Variants in FSTL4 observed in about 807,000 individuals in gnomAD.
FSTL4 encodes the protein follistatin-related protein 4.
Under a neutral mutation model 78.2 loss-of-function variants are expected in FSTL4, and 28 were observed. The ratio of observed to expected loss-of-function variants is 0.36; its 90% CI spans 0.27 to 0.49. The LOEUF is 0.49. FSTL4 is among the 20% of genes least tolerant of loss of function. The pLI is 0.98. For synonymous variants in FSTL4, 422 were observed against 440.5 expected, an observed-to-expected ratio of 0.96 and a Z score of 0.53; for missense variants, 922 against 1,084.9, an observed-to-expected ratio of 0.85 and a Z score of 2.11.
the FSTL4 span, among the ~76,000 whole-genome samples, chr5:133,788,107 G>A: frequency 4.0e-4 from 61 of 152,294 alleles, no homozygotes; most frequent in African/African-American, 1.4e-3. Flanking sequence ...ACACTGATAT[G>A]TCTCCATATC....
chr5:133,483,762 G>A (rs1758076237), intron 3 of FSTL4, among the ~76,000 whole-genome samples: 1 of 152,194 alleles, frequency 6.6e-6, no homozygotes, highest in Non-Finnish European at 1.5e-5. Context: ...GGTAGGGGCA[G>A]AACATGCTCA....
intron 3 of FSTL4, among the ~76,000 whole-genome samples, chr5:133,535,865 G>A (rs1200506769): frequency 6.6e-6 from 1 of 152,208 alleles, no homozygotes; most frequent in Non-Finnish European, 1.5e-5. Flanking sequence ...GAAGTGAAGA[G>A]GAAGTAAACA....
the FSTL4 span, among the ~76,000 whole-genome samples, chr5:133,700,373 CCACCACACCAAA>C: frequency 3.3e-5 from 5 of 151,716 alleles, no homozygotes; most frequent in African/African-American, 1.2e-4. Context: ...CCACACCAAA[CCACCACACCAAA>C]CACCACACCA....
At chr5:133,204,830 G>A (rs1750441585) in intron 14 of FSTL4, among the ~76,000 whole-genome samples, 1 of 92,670 alleles carries the variant, frequency 1.1e-5, no homozygotes, top group African/African-American at 5.3e-5. Context: ...GTGAGATTCT[G>A]TCTCAAAAAA....
chr5:133,293,745 C>T (rs1411601058), intron 6 of FSTL4, among the ~76,000 whole-genome samples: 1 of 152,168 alleles, frequency 6.6e-6, no homozygotes, highest in Non-Finnish European at 1.5e-5. Context: ...GTGTCCGAGT[C>T]CCCATGTCAC....
upstream of FSTL4, chr5:133,612,648 CCACGGCAGGTGCGCGGAGCAGGCGGG>C (rs953405898): frequency 6.6e-6 from 1 of 151,780 alleles, no homozygotes; most frequent in African/African-American, 2.4e-5. This position sits in a 1 kb window ranked among gnomAD's most constrained non-coding sequence, Gnocchi z 6.2. Context: ...CGCGCGGCGG[CCACGGCAGGTGCGCGGAGCAGGCGGG>C]CGCGCACGCG....
At chr5:133,200,097 A>ATACT (rs1033636796) in intron 15 of FSTL4, among the ~76,000 whole-genome samples, 7 of 152,208 alleles carry the variant, frequency 4.6e-5, no homozygotes, top group African/African-American at 1.7e-4. Context: ...TCCATTTATA[A>ATACT]TACTTATGAA....
intron 8 of FSTL4, among the ~76,000 whole-genome samples, chr5:133,228,286 A>G (rs919023580): frequency 6.6e-6 from 1 of 152,322 alleles, no homozygotes; most frequent in East Asian, 1.9e-4. Context: ...TGAGTTAAGG[A>G]GAGAATATTT....
chr5:133,444,809 C>T lies in FSTL4; in HGVS notation c.161-43823G>A, dbSNP rs78835175. ...GCACAGGGAATGAGATGAGCAGACA[C>T]GAGGGCTCAAGCAGCCCCTCACCCA... On this transcript the variant is annotated intron_variant, in intron 3 of 15. Coordinates refer to ENST00000265342, the MANE Select transcript of FSTL4 (RefSeq NM_015082.2). 4.9e-4 allele frequency among the ~76,000 whole-genome samples: 75 copies of T among 152,300 alleles called. 3 individuals are homozygous for T. The East Asian group carries it at 0.014, about 28-fold the overall frequency.
At chr5:133,733,505 A>C in the FSTL4 span, among the ~76,000 whole-genome samples, 4 of 152,234 alleles carry the variant, frequency 2.6e-5, no homozygotes, top group Non-Finnish European at 5.9e-5. Flanking sequence ...GAAATAGAAA[A>C]GGCAGAAGAG....
intron 4 of FSTL4, among the ~76,000 whole-genome samples, chr5:133,330,204 T>C (rs978903234): frequency 1.3e-5 from 2 of 152,244 alleles, no homozygotes; most frequent in Non-Finnish European, 2.9e-5. Context: ...GCTCATCACT[T>C]TTCCTGCATT....
intron 6 of FSTL4, among the ~76,000 whole-genome samples, chr5:133,265,052 C>T (rs574138203): frequency 1.5e-4 from 23 of 152,336 alleles, no homozygotes; most frequent in African/African-American, 5.5e-4. Context: ...CCCCTCTGTG[C>T]TGCTTCCAGT....
In FSTL4 at chr5:133,225,975, C is replaced by T. The variant is rs1751321188; in HGVS notation, c.1016-156G>A. 2.0e-6 allele frequency: 1 copy of T among 497,220 alleles called. No individual in the cohort carries two copies. The highest frequency in any genetic ancestry group is 3.5e-6 in the Non-Finnish European group (1 of 285,724). The allele number at this position is 497,220 out of a possible 1,614,324, so 30.8% of individuals were successfully genotyped here. A position where few individuals can be genotyped will look rare whatever the true frequency, so the allele number is the denominator to read the frequency against. ...ATTATAATAATCCTGTCCAGCAACG[C>T]AAGCTCTAAAAGAAAGGGCTATAAA... On this transcript the variant is annotated intron_variant, in intron 8 of 15. Transcript: ENST00000265342. This position sits in a 1 kb window ranked among gnomAD's most constrained non-coding sequence, Gnocchi z 4.6.
At chr5:133,446,794 G>A (rs1480691809) in intron 3 of FSTL4, among the ~76,000 whole-genome samples, 1 of 152,198 alleles carries the variant, frequency 6.6e-6, no homozygotes, top group East Asian at 1.9e-4. Context: ...GGTGGATCCA[G>A]GTTCCAGGCC....
At chr5:133,293,506 T>G (rs540260330) in intron 6 of FSTL4, among the ~76,000 whole-genome samples, 1 of 152,314 alleles carries the variant, frequency 6.6e-6, no homozygotes, top group South Asian at 2.1e-4. Context: ...TTCCCTCCTG[T>G]GGACACAGCT....
chr5:133,264,069 G>A (rs1420881983), intron 6 of FSTL4, among the ~76,000 whole-genome samples: 2 of 152,094 alleles, frequency 1.3e-5, no homozygotes, highest in East Asian at 3.9e-4. Context: ...GGTATTTTTG[G>A]TTGTCACAAC....
rs1285632132 is a variant in FSTL4 at position 133,301,135 on chromosome 5, T to C, written c.727+11519A>G. Among the ~76,000 whole-genome samples, 3 of 152,100 alleles carry C rather than the reference T, an allele frequency of 2.0e-5. No individual in the cohort carries two copies. In the East Asian group the frequency reaches 5.8e-4, roughly 29 times the overall value. On this transcript the variant is annotated intron_variant, in intron 6 of 15. Coordinates refer to ENST00000265342, the MANE Select transcript of FSTL4 (RefSeq NM_015082.2). Reference sequence around the variant, plus strand: ...GTGAACAGCTCCCAGAGAGGGTCTGTCTCACTGAGCCCACCCTCTGCCCAC... The same window carrying C: ...GTGAACAGCTCCCAGAGAGGGTCTGCCTCACTGAGCCCACCCTCTGCCCAC...
At chr5:133,749,325 G>T in the FSTL4 span, among the ~76,000 whole-genome samples, 104 of 152,286 alleles carry the variant, frequency 6.8e-4, 1 homozygote, top group South Asian at 0.021. Flanking sequence ...GAGTGACCAG[G>T]CTTCACTCTG....
intron 3 of FSTL4, among the ~76,000 whole-genome samples, chr5:133,566,641 A>G (rs1760032515): frequency 6.6e-6 from 1 of 152,244 alleles, no homozygotes; most frequent in South Asian, 2.1e-4. Context: ...ATATATGTTT[A>G]CCTCAGAGAC....
Sources: gnomAD v4.1 joint callset for allele counts (sites outside exome capture counted in the v4.1 genomes callset) on GRCh38, gnomAD v4.1.1 for gene constraint, Gnocchi (gnomAD v3.1) non-coding constraint, MANE v1.5 for transcripts, NCBI Gene and HGNC (gene_info 2026-07-23, HGNC 2026-07-21) for gene names.